The following FRYL variants were observed in gnomAD, a reference collection of about 807,000 sequenced individuals.
FRYL encodes protein furry homolog-like.
A neutral mutation model predicts 351.2 loss-of-function variants in FRYL; 150 were observed. The ratio of observed to expected loss-of-function variants is 0.43; its 90% CI spans 0.37 to 0.49. FRYL has a LOEUF of 0.49. FRYL is among the 20% of genes least tolerant of loss of function. The pLI is 0.00. For missense variants in FRYL, 3,036 were observed against 3,619.3 expected, an observed-to-expected ratio of 0.84 and a Z score of 4.13; for synonymous variants, 1,153 against 1,257.1, an observed-to-expected ratio of 0.92 and a Z score of 1.75.
At chr4:48,535,540 G>T in intron 48 of FRYL, 117 bp downstream of exon 48, 1 of 477,884 alleles carries the variant, frequency 2.1e-6, no homozygotes, top group Non-Finnish European at 3.4e-6. Context: ...ACTTGATAAG[G>T]TGCCACAGAG....
At chr4:48,546,662 T>C (rs1731404705) in intron 41 of FRYL, 3 of 195,518 alleles carry the variant, frequency 1.5e-5, no homozygotes, top group Admixed American at 1.1e-4. Flanking sequence ...TCCATTTCCA[T>C]TGCAGAAAGG....
chr4:48,542,175 C>T (rs1730328047), intron 44 of FRYL, 54 bp from the exon 45 acceptor site: 4 of 1,165,310 alleles, frequency 3.4e-6, no homozygotes, highest in African/African-American at 1.5e-5. Context: ...AAAGAAACTG[C>T]AATGGACTTC....
intron 7 of FRYL, among the ~76,000 whole-genome samples, chr4:48,613,219 GTGTT>G (rs1457637767): frequency 1.3e-5 from 2 of 152,188 alleles, no homozygotes; most frequent in African/African-American, 4.8e-5. Flanking sequence ...AGTTTTGACT[GTGTT>G]TGACTGCAAC....
At chr4:48,619,548 C>T (rs1668368307) in intron 6 of FRYL, among the ~76,000 whole-genome samples, 178 bp from the exon 7 acceptor site, 1 of 152,156 alleles carries the variant, frequency 6.6e-6, no homozygotes, top group Non-Finnish European at 1.5e-5. Flanking sequence ...GGGTCTCGTT[C>T]TGTCACCCAG....
chr4:48,606,295 T>C, intron 10 of FRYL, 143 bp downstream of exon 10: 1 of 495,110 alleles, frequency 2.0e-6, no homozygotes, highest in Non-Finnish European at 3.4e-6. Flanking sequence ...AAAATTAATT[T>C]ACACTTAGAA....
chr4:48,507,857 G>C (rs1016488554), intron 59 of FRYL, among the ~76,000 whole-genome samples: 1 of 152,132 alleles, frequency 6.6e-6, no homozygotes, highest in Non-Finnish European at 1.5e-5. Context: ...TCTGCAGGGG[G>C]AGAGGCTACA....
intron 59 of FRYL, chr4:48,506,561 T>C (rs1720972657): frequency 7.0e-6 from 1 of 143,884 alleles, no homozygotes. Context: ...ATATTATCAG[T>C]TGTTTTGACT....
intron 13 of FRYL, among the ~76,000 whole-genome samples, chr4:48,601,331 G>A (rs1266254842): frequency 1.3e-5 from 2 of 152,246 alleles, no homozygotes; most frequent in African/African-American, 2.4e-5. Context: ...TCAAGCATTC[G>A]CATGACATGC....
intron 3 of FRYL, among the ~76,000 whole-genome samples, chr4:48,642,001 T>C (rs1755436563): frequency 6.6e-6 from 1 of 152,182 alleles, no homozygotes; most frequent in Non-Finnish European, 1.5e-5. Flanking sequence ...TTTTATCTTT[T>C]TTCCTCAATA....
intron 3 of FRYL, among the ~76,000 whole-genome samples, chr4:48,635,506 T>A (rs1490551412): frequency 5.3e-5 from 8 of 152,214 alleles, no homozygotes; most frequent in Non-Finnish European, 1.2e-4. Context: ...CATAGGATAG[T>A]GGTGCCATTT....
rs115010842 is a variant in FRYL at position 48,626,020 on chromosome 4, C to T, written c.121-2841G>A. Among the ~76,000 whole-genome samples, 950 of 152,208 alleles carry T rather than the reference C, an allele frequency of 6.2e-3. 16 individuals are homozygous for T. The highest frequency in any genetic ancestry group is 0.022 in the African/African-American group (922 of 41,550). Reference sequence around the variant, plus strand: ...ACAAAGAACACAGATGACATGTTCTCATCCTTAAACTCAAGGGTTGCTGCT... The same window carrying T: ...ACAAAGAACACAGATGACATGTTCTTATCCTTAAACTCAAGGGTTGCTGCT... On this transcript the variant is annotated intron_variant, in intron 4 of 63. Coordinates refer to ENST00000358350, the MANE Select transcript of FRYL (RefSeq NM_015030.2).
At chr4:48,500,641 G>T (rs369477462) in intron 62 of FRYL, among the ~76,000 whole-genome samples, 4 of 152,024 alleles carry the variant, frequency 2.6e-5, no homozygotes, top group East Asian at 3.9e-4. Context: ...TAATGACTAA[G>T]AAATTAAATC....
At chr4:48,655,724 A>G (rs1758729505) in intron 3 of FRYL, among the ~76,000 whole-genome samples, 4 of 146,690 alleles carry the variant, frequency 2.7e-5, no homozygotes, top group African/African-American at 9.9e-5. Flanking sequence ...ATAATGTATA[A>G]GTATATAAAA....
At chr4:48,738,529 C>CACTCTGTCACCCAGGCT (rs1771683334) in intron 1 of FRYL, among the ~76,000 whole-genome samples, 1 of 152,040 alleles carries the variant, frequency 6.6e-6, no homozygotes, top group Admixed American at 6.6e-5. Context: ...GATGGGGTCT[C>CACTCTGTCACCCAGGCT]ACTCTGTCAC....
intron 1 of FRYL, among the ~76,000 whole-genome samples, chr4:48,750,258 C>T (rs1272396752): frequency 6.6e-6 from 1 of 151,688 alleles, no homozygotes; most frequent in Non-Finnish European, 1.5e-5. Context: ...TCCAGGAGTT[C>T]GAGATCAGCC....
chr4:48,535,953 C>T, intron 47 of FRYL, 126 bp from the exon 48 acceptor site: 1 of 695,238 alleles, frequency 1.4e-6, no homozygotes, highest in Non-Finnish European at 2.2e-6. Context: ...CATTTTACTT[C>T]AATACGTTAG....
Position 48,535,528 on chromosome 4 carries a change from C to T in FRYL, c.6564+129G>A, listed in dbSNP as rs1435247183. 4.1e-5 allele frequency: 18 copies of T among 443,664 alleles called. No individual in the cohort carries two copies. The East Asian group carries it at 6.5e-4, about 16-fold the overall frequency. The allele number at this position is 443,664 out of a possible 1,614,324, so 27.5% of individuals were successfully genotyped here. On this transcript the variant is annotated intron_variant, in intron 48 of 63. Transcript: ENST00000358350. ...ACCAGTGCTGCTTCTGCATATAAAT[C>T]AACTTGATAAGGTGCCACAGAGTAG...
intron 3 of FRYL, among the ~76,000 whole-genome samples, chr4:48,643,755 A>G (rs190071453): frequency 3.9e-4 from 59 of 152,318 alleles, no homozygotes; most frequent in Admixed American, 1.6e-3. Context: ...CGCAAAAATA[A>G]AATTGGTAGA....
At chr4:48,748,556 T>C (rs1772921922) in intron 1 of FRYL, among the ~76,000 whole-genome samples, 1 of 152,090 alleles carries the variant, frequency 6.6e-6, no homozygotes, top group South Asian at 2.1e-4. Context: ...GGAAGACACA[T>C]GTTAACTACA....
Sources: allele counts gnomAD v4.1 joint callset (sites outside exome capture counted in the v4.1 genomes callset), GRCh38; gene constraint gnomAD v4.1.1; transcripts MANE v1.5; gene names NCBI Gene and HGNC (gene_info 2026-07-23, HGNC 2026-07-21).